The following NAA30 variants were observed in gnomAD, a reference collection of about 807,000 sequenced individuals.
NAA30 encodes N-alpha-acetyltransferase 30, NatC catalytic subunit, also known as N-alpha-acetyltransferase 30.
NAA30 carries 5 observed loss-of-function variants against 31.4 expected under a neutral mutation model. The ratio of observed to expected loss-of-function variants is 0.16; its 90% CI spans 0.08 to 0.33. The LOEUF (loss-of-function observed/expected upper bound fraction) is 0.33. Ranked by LOEUF, NAA30 falls within the 10% of genes least tolerant of loss-of-function variation. The probability of loss-of-function intolerance (pLI) is 1.00; values close to 1 mark genes in which losing one functional copy is unlikely to be tolerated. For synonymous variants in NAA30, 222 were observed against 207.1 expected, an observed-to-expected ratio of 1.07 and a Z score of -0.62; for missense variants, 428 against 490.8, an observed-to-expected ratio of 0.87 and a Z score of 1.21.
chr14:57,391,787 G>A lies in NAA30; in HGVS notation c.771+59G>A. On this transcript the variant is annotated intron_variant, in intron 2 of 4. Transcript: ENST00000556492. The surrounding 1 kb of genome is among the most constrained non-coding windows in gnomAD (Gnocchi z 4.1). Reference sequence around the variant, plus strand: ...GCAGTGATCGAGACTGTGCGGGGCAGGGAGTGAGGGCCCAGAATGTGGCAG... The same window carrying A: ...GCAGTGATCGAGACTGTGCGGGGCAAGGAGTGAGGGCCCAGAATGTGGCAG... 7.2e-7 allele frequency: 1 copy of A among 1,392,124 alleles called. No individual in the cohort carries two copies. The highest frequency in any genetic ancestry group is 9.8e-7 in the Non-Finnish European group (1 of 1,018,054). The allele number at this position is 1,392,124 out of a possible 1,614,324, so 86.2% of individuals were successfully genotyped here.
intron 4 of NAA30, among the ~76,000 whole-genome samples, chr14:57,401,464 A>G (rs1187550374): frequency 1.3e-5 from 2 of 152,238 alleles, no homozygotes; most frequent in Non-Finnish European, 2.9e-5. Context: ...CATGACTGGT[A>G]ACTGAAATTT....
At chr14:57,390,786 T>C in intron 1 of NAA30, 81 bp downstream of exon 1, 1 of 512,902 alleles carries the variant, frequency 1.9e-6, no homozygotes, top group Non-Finnish European at 2.8e-6. Context: ...GCTGAGCAGC[T>C]GGGCGGCGCT....
Position 57,413,855 on chromosome 14 carries a change from G to A in NAA30, c.*4339G>A, listed in dbSNP as rs2066535066. 1 of 152,158 alleles carries A rather than the reference G, an allele frequency of 6.6e-6. No individual in the cohort carries two copies. The highest frequency in any genetic ancestry group is 2.4e-5 in the African/African-American group (1 of 41,406). The allele number at this position is 152,158 out of a possible 1,614,324, so 9.4% of individuals were successfully genotyped here. The stretch of plus-strand genomic sequence containing the variant: ...TTTTAAAAGATCTCATAAGCATATA[G>A]CACTGCTACACTTTAGATCACTACT... On this transcript the variant is annotated 3_prime_UTR_variant, in exon 5 of 5. Transcript: ENST00000556492.
In NAA30 at chr14:57,396,736, T is replaced by C; in HGVS notation, c.772-16T>C. ...GATGGCAATGTATTCTTCATAACTG[T>C]TTGTTTATTTTTAAGGCCATGGTAG... On this transcript the variant is annotated splice_polypyrimidine_tract_variant and intron_variant, in intron 2 of 4. Coordinates refer to ENST00000556492, the MANE Select transcript of NAA30 (RefSeq NM_001011713.3). The C allele has an allele frequency of 6.2e-7, 1 of 1,613,486 alleles. No individual in the cohort carries two copies.
chr14:57,400,311 C>T (rs572988062), intron 4 of NAA30, among the ~76,000 whole-genome samples: 2 of 152,318 alleles, frequency 1.3e-5, no homozygotes, highest in African/African-American at 4.8e-5. Flanking sequence ...AGGGGGAAGA[C>T]AACCACTTTT....
intron 4 of NAA30, among the ~76,000 whole-genome samples, chr14:57,407,348 T>G (rs2066502046): frequency 6.6e-6 from 1 of 152,196 alleles, no homozygotes; most frequent in Admixed American, 6.5e-5. Context: ...GATTTAGCAT[T>G]GGTCCCTGCT....
chr14:57,393,630 C>T (rs977120516), intron 2 of NAA30, among the ~76,000 whole-genome samples: 6 of 152,026 alleles, frequency 3.9e-5, no homozygotes, highest in South Asian at 4.2e-4. Context: ...TCTAGCCCAA[C>T]TTAGGTTTTG....
At chr14:57,397,074 G>GT in intron 3 of NAA30, among the ~76,000 whole-genome samples, 199 bp downstream of exon 3, 1 of 151,988 alleles carries the variant, frequency 6.6e-6, no homozygotes, top group Non-Finnish European at 1.5e-5. Context: ...TTAATGTTTT[G>GT]TTTGACAGTT....
rs1305052654 is a variant in NAA30 at position 57,411,407 on chromosome 14, G to A, written c.*1891G>A. 1.3e-5 allele frequency: 2 copies of A among 151,998 alleles called. No homozygotes were observed. The highest frequency in any genetic ancestry group is 2.9e-5 in the Non-Finnish European group (2 of 67,960). The allele number at this position is 151,998 out of a possible 1,614,324, so 9.4% of individuals were successfully genotyped here. On this transcript the variant is annotated 3_prime_UTR_variant, in exon 5 of 5. Transcript: ENST00000556492. Reference sequence around the variant, plus strand: ...TTTTGTTATTTAATATGAAGGAAATGGAACTAAAACATTTATGTCATCAAA... The same window carrying A: ...TTTTGTTATTTAATATGAAGGAAATAGAACTAAAACATTTATGTCATCAAA...
chr14:57,406,133 GA>G (rs1473714350), intron 4 of NAA30, among the ~76,000 whole-genome samples: 1 of 152,122 alleles, frequency 6.6e-6, no homozygotes, highest in African/African-American at 2.4e-5. Flanking sequence ...TCTTTGTTTA[GA>G]AAATATGAGT....
chr14:57,399,741 G>T, intron 3 of NAA30, 87 bp from the exon 4 acceptor site: 1 of 789,642 alleles, frequency 1.3e-6, no homozygotes, highest in South Asian at 1.5e-5. Context: ...ACTAGCATTT[G>T]ACATTTCTGT....
intron 2 of NAA30, among the ~76,000 whole-genome samples, chr14:57,396,151 T>A (rs554543036): frequency 1.5e-3 from 227 of 152,230 alleles, no homozygotes; most frequent in African/African-American, 4.9e-3. Context: ...ATTTAAGTAA[T>A]TTTGGTGGAG....
rs775463503 is a variant in NAA30 at position 57,409,748 on chromosome 14, C to T, written c.*232C>T. Reference sequence around the variant, plus strand: ...TTCTTTTGGTACCAACAAGATGTGCCAGTTGATAGCCAAGATTTATGTGTT... The same window carrying T: ...TTCTTTTGGTACCAACAAGATGTGCTAGTTGATAGCCAAGATTTATGTGTT... On this transcript the variant is annotated 3_prime_UTR_variant, in exon 5 of 5. Transcript: ENST00000556492. 4.3e-4 allele frequency: 159 copies of T among 372,080 alleles called. 1 individual carries two copies. The highest frequency in any genetic ancestry group is 6.5e-4 in the Non-Finnish European group (136 of 210,588). The allele number at this position is 372,080 out of a possible 1,614,324, so 23.0% of individuals were successfully genotyped here. A position where few individuals can be genotyped will look rare whatever the true frequency, so the allele number is the denominator to read the frequency against.
chr14:57,393,829 C>A (rs4901779), intron 2 of NAA30, among the ~76,000 whole-genome samples: 106,275 of 151,988 alleles, frequency 0.7, 43,970 homozygotes, highest in Non-Finnish European at 0.89. Context: ...AAGCTAGAAC[C>A]CAGTTCTCCT....
chr14:57,397,257 C>A (rs1162396088), intron 3 of NAA30, among the ~76,000 whole-genome samples: 2 of 152,084 alleles, frequency 1.3e-5, no homozygotes, highest in African/African-American at 4.8e-5. Context: ...GTTAAGTGGA[C>A]CTCAATCAAG....
chr14:57,410,643 T>C lies in NAA30; in HGVS notation c.*1127T>C, dbSNP rs1263071597. ...AGCTGCTTTATTTTATTTTCACTTG[T>C]ATGAGCAAATTCTTGGGGGAGCTTT... On this transcript the variant is annotated 3_prime_UTR_variant, in exon 5 of 5. Transcript: ENST00000556492. The C allele has an allele frequency of 6.6e-6, 1 of 152,132 alleles. No homozygotes were observed. Among genetic ancestry groups the C allele is most frequent in the Non-Finnish European group, 1.5e-5 (1 of 67,988 alleles). 9.4% of individuals were successfully genotyped at this position (152,132 alleles called of 1,614,324 possible).
At chr14:57,394,534 C>T (rs4898933) in intron 2 of NAA30, among the ~76,000 whole-genome samples, 151,634 of 152,220 alleles carry the variant, frequency 1, 75,528 homozygotes, top group Middle Eastern at 1. Flanking sequence ...AAATGTACCA[C>T]ATATTCATGA....
In NAA30 at chr14:57,390,944, G is replaced by C. The variant is rs577609359; in HGVS notation, c.-1-13G>C. The stretch of plus-strand genomic sequence containing the variant: ...GTTTCATGGCCTCCCCTCTCGGTCT[G>C]TGTCGCTTCTAGGATGGCGGAGGTA... On this transcript the variant is annotated splice_polypyrimidine_tract_variant and intron_variant, in intron 1 of 4. Transcript: ENST00000556492. 1.4e-6 allele frequency: 2 copies of C among 1,470,520 alleles called. No homozygotes were observed. Among genetic ancestry groups the C allele is most frequent in the Non-Finnish European group, 1.8e-6 (2 of 1,116,342 alleles). 91.1% of individuals were successfully genotyped at this position (1,470,520 alleles called of 1,614,324 possible). A position where few individuals can be genotyped will look rare whatever the true frequency, so the allele number is the denominator to read the frequency against.
chr14:57,409,340 G>A, intron 4 of NAA30, 39 bp from the exon 5 acceptor site: 1 of 1,479,566 alleles, frequency 6.8e-7, no homozygotes, highest in South Asian at 1.3e-5. Flanking sequence ...TTTTTAAATT[G>A]TGTAATTATA....
Sources: gnomAD v4.1 joint callset for allele counts (sites outside exome capture counted in the v4.1 genomes callset) on GRCh38, gnomAD v4.1.1 for gene constraint, Gnocchi (gnomAD v3.1) non-coding constraint, MANE v1.5 for transcripts, NCBI Gene and HGNC (gene_info 2026-07-23, HGNC 2026-07-21) for gene names.